Variants in SLC25A53 observed in about 807,000 individuals in gnomAD.
The protein encoded by SLC25A53 is solute carrier family 25 member 53, also known as mitochondrial carrier triple repeat protein 6.
A neutral mutation model predicts 15.0 loss-of-function variants in SLC25A53; 5 were observed. The ratio of observed to expected loss-of-function variants is 0.33; its 90% CI spans 0.17 to 0.70. SLC25A53 has a LOEUF of 0.70. Ranked by LOEUF, SLC25A53 falls within the 30% of genes least tolerant of loss-of-function variation. The probability of loss-of-function intolerance (pLI) is 0.67; values close to 1 mark genes in which losing one functional copy is unlikely to be tolerated. For missense variants in SLC25A53, 216 were observed against 241.6 expected (o/e 0.89, Z 0.70); for synonymous variants, 95 against 100.0 (o/e 0.95, Z 0.30).
At chrX:104,144,609 A>C (rs1426083543) in intron 1 of SLC25A53, among the ~76,000 whole-genome samples, 2 of 111,784 alleles carry the variant, frequency 1.8e-5, no homozygotes, top group African/African-American at 6.5e-5. Context: ...TCAGAGTAAC[A>C]AGATTTAATA....
At chrX:104,137,914 A>C (rs1435786643) in intron 1 of SLC25A53, among the ~76,000 whole-genome samples, 1 of 112,599 alleles carries the variant, frequency 8.9e-6, no homozygotes, top group African/African-American at 3.2e-5. Context: ...ACCAAAAAAA[A>C]CAAAACACTC....
chrX:104,106,344 G>T, intron 1 of SLC25A53, among the ~76,000 whole-genome samples: 1 of 111,486 alleles, frequency 9.0e-6, no homozygotes, highest in East Asian at 2.8e-4. Flanking sequence ...GAGGGAGTTT[G>T]CCAGAGAGGA....
In SLC25A53 at chrX:104,104,011, C is replaced by T. The variant is rs782701827; in HGVS notation, c.*323G>A. Reference sequence around the variant, plus strand: ...AGAGCTCAGAGTGCCTAAGTAAGGTCATCTTTTTAAGTTTCTGTTTATTGC... The same window carrying T: ...AGAGCTCAGAGTGCCTAAGTAAGGTTATCTTTTTAAGTTTCTGTTTATTGC... On this transcript the variant is annotated 3_prime_UTR_variant, in exon 2 of 2. Coordinates refer to ENST00000594199, the MANE Select transcript of SLC25A53 (RefSeq NM_001012755.5). The T allele has an allele frequency of 2.4e-4, 52 of 213,609 alleles. No homozygotes were observed. Among genetic ancestry groups the T allele is most frequent in the African/African-American group, 1.3e-3 (47 of 35,426 alleles). 17.6% of individuals were successfully genotyped at this position (213,609 alleles called of 1,213,427 possible).
At chrX:104,121,454 T>C (rs782360356) in intron 1 of SLC25A53, among the ~76,000 whole-genome samples, 26 of 110,990 alleles carry the variant, frequency 2.3e-4, no homozygotes, top group Non-Finnish European at 4.1e-4. Context: ...GTGACGTTAC[T>C]GGAACAAGCA....
Position 104,100,540 on chromosome X carries a change from G to C in SLC25A53, c.*3794C>G, listed in dbSNP as rs781865998. The C allele has an allele frequency of 9.9e-5, 11 of 111,514 alleles. No individual in the cohort carries two copies. Among genetic ancestry groups the C allele is most frequent in the Admixed American group, 2.9e-4 (3 of 10,456 alleles). 9.2% of individuals were successfully genotyped at this position (111,514 alleles called of 1,213,427 possible). ...CTTAAATTTTGCTCACAACTTTTAA[G>C]TGGAAAAAGTTGACAGGTCTGTATA... On this transcript the variant is annotated 3_prime_UTR_variant, in exon 2 of 2. Coordinates refer to ENST00000594199, the MANE Select transcript of SLC25A53 (RefSeq NM_001012755.5).
rs1270367587 is a variant in SLC25A53, at chrX:104,156,982, C to T, written c.-136G>A. 3 of 111,596 alleles carry T rather than the reference C, an allele frequency of 2.7e-5. No homozygotes were observed. The highest frequency in any genetic ancestry group is 9.8e-5 in the African/African-American group (3 of 30,633). 9.2% of individuals were successfully genotyped at this position (111,596 alleles called of 1,213,427 possible). A position where few individuals can be genotyped will look rare whatever the true frequency, so the allele number is the denominator to read the frequency against. ...CGGACCTTCGCCCATCCGCCGCCCT[C>T]ACTTAAGCGACGCACAACGGAGCTC... On this transcript the variant is annotated 5_prime_UTR_variant, in exon 1 of 2. Transcript: ENST00000594199.
chrX:104,126,242 G>A (rs1490641754), intron 1 of SLC25A53, among the ~76,000 whole-genome samples: 1 of 111,654 alleles, frequency 9.0e-6, no homozygotes, highest in Non-Finnish European at 1.9e-5. Context: ...CCAGGAGTTC[G>A]AGGCTGCAGT....
At chrX:104,114,656 C>G in intron 1 of SLC25A53, 1 of 1,212,069 alleles carries the variant, frequency 8.3e-7, no homozygotes, top group South Asian at 1.8e-5. Context: ...CTTTTAGGCG[C>G]TGAGCTGAAT....
At chrX:104,155,318 C>G (rs1487660298) in intron 1 of SLC25A53, among the ~76,000 whole-genome samples, 1 of 110,783 alleles carries the variant, frequency 9.0e-6, no homozygotes, top group African/African-American at 3.3e-5. Context: ...ACCTATAGTT[C>G]TCCAAGTATG....
Position 104,104,336 on chromosome X carries a change from A to G in SLC25A53, c.922T>C (p.Ter308GlnextTer87). 8.3e-7 allele frequency: 1 copy of G among 1,206,027 alleles called. No individual in the cohort carries two copies. Among genetic ancestry groups the G allele is most frequent in the Non-Finnish European group, 1.1e-6 (1 of 891,421 alleles). Residue 308 changes from the stop codon to glutamine (Q), a stop_lost, in exon 2 of 2, where the codon TAG (stop) becomes CAG (glutamine). Transcript: ENST00000594199. ...CTGCCATGCCACACTTTCTGCAGCTAGTCAGTCTTCAGCTCTTTCCTGGAG... is the reference window on the plus strand; with the variant it reads ...CTGCCATGCCACACTTTCTGCAGCTGGTCAGTCTTCAGCTCTTTCCTGGAG... ...SHSRKELKTD[*>Q]
intron 1 of SLC25A53, among the ~76,000 whole-genome samples, chrX:104,143,154 G>A (rs1164112418): frequency 5.4e-5 from 6 of 111,012 alleles, no homozygotes; most frequent in African/African-American, 1.3e-4. Context: ...AGAAACCAGC[G>A]CAGAAAGGCT....
intron 1 of SLC25A53, among the ~76,000 whole-genome samples, chrX:104,108,593 A>G (rs1474243673): frequency 9.0e-6 from 1 of 111,227 alleles, no homozygotes; most frequent in Non-Finnish European, 1.9e-5. Flanking sequence ...CTTCACATGA[A>G]TTCAAAGTAT....
chrX:104,152,032 T>G (rs1322398027), intron 1 of SLC25A53, among the ~76,000 whole-genome samples: 3 of 107,387 alleles, frequency 2.8e-5, no homozygotes, highest in Non-Finnish European at 3.9e-5. Flanking sequence ...TCCTTTGGAA[T>G]ATGGACATGA....
intron 1 of SLC25A53, among the ~76,000 whole-genome samples, chrX:104,116,623 A>G (rs1453363630): frequency 9.0e-6 from 1 of 111,297 alleles, no homozygotes; most frequent in Non-Finnish European, 1.9e-5. Flanking sequence ...ACCCTGGGCT[A>G]TGTTGTAGGG....
intron 1 of SLC25A53, among the ~76,000 whole-genome samples, chrX:104,144,661 T>C (rs782691269): frequency 9.0e-6 from 1 of 111,305 alleles, no homozygotes; most frequent in East Asian, 2.8e-4. Context: ...GAAGTCTCAC[T>C]AACTATTTTC....
At chrX:104,111,704 C>A (rs189668054) in intron 1 of SLC25A53, among the ~76,000 whole-genome samples, 12 of 111,125 alleles carry the variant, frequency 1.1e-4, no homozygotes, top group African/African-American at 3.6e-4. Flanking sequence ...CAAAAATACT[C>A]TCCAGGCAGC....
rs372184329 is a variant in SLC25A53 at position 104,127,835 on chromosome X, A to G, written c.-31-22547T>C. Among the ~76,000 whole-genome samples, 73 of 111,262 alleles carry G rather than the reference A, an allele frequency of 6.6e-4. 1 individual carries two copies. Among genetic ancestry groups the G allele is most frequent in the African/African-American group, 2.3e-3 (71 of 30,591 alleles). On this transcript the variant is annotated intron_variant, in intron 1 of 1. Coordinates refer to ENST00000594199, the MANE Select transcript of SLC25A53 (RefSeq NM_001012755.5). The stretch of plus-strand genomic sequence containing the variant: ...AAAAATTAGCTTGGCATGGTGGCAC[A>G]TGCCTGTAATCCCAGCTACTCAGGA...
chrX:104,145,878 G>T, intron 1 of SLC25A53, among the ~76,000 whole-genome samples: 1 of 111,834 alleles, frequency 8.9e-6, no homozygotes, highest in Non-Finnish European at 1.9e-5. Context: ...TCTACCAGAG[G>T]TACAAAGAGG....
chrX:104,114,768 A>G lies in SLC25A53; in HGVS notation c.-31-9480T>C, dbSNP rs932346074. ...AGTTAATCAAGATGATAAGGGAGGA[A>G]GAGGATTGGGATGATGCTTTTATTA... On this transcript the variant is annotated intron_variant, in intron 1 of 1. Coordinates refer to ENST00000594199, the MANE Select transcript of SLC25A53 (RefSeq NM_001012755.5). 14 of 1,211,739 alleles carry G rather than the reference A, an allele frequency of 1.2e-5. No homozygotes were observed. The Admixed American group carries it at 2.8e-4, about 24-fold the overall frequency.
Sources: gnomAD v4.1 joint callset for allele counts (sites outside exome capture counted in the v4.1 genomes callset) on GRCh38, gnomAD v4.1.1 for gene constraint, MANE v1.5 for transcripts, NCBI Gene and HGNC (gene_info 2026-07-23, HGNC 2026-07-21) for gene names.